CACNA1B: variants seen among roughly 807,000 people sequenced by gnomAD.
CACNA1B encodes calcium voltage-gated channel subunit alpha1 B.
CACNA1B carries 70 observed loss-of-function variants against 247.2 expected under a neutral mutation model. The ratio of observed to expected loss-of-function variants is 0.28; its 90% CI spans 0.23 to 0.35. The LOEUF is 0.35. Among genes scored for constraint, CACNA1B ranks in the 10% least tolerant of loss-of-function variants. The pLI is 1.00. For missense variants in CACNA1B, 2,367 were observed against 3,197.4 expected, an observed-to-expected ratio of 0.74 and a Z score of 6.26; for synonymous variants, 1,231 against 1,294.4, an observed-to-expected ratio of 0.95 and a Z score of 1.05.
chr9:138,104,110 A>AG (rs1961345134), intron 38 of CACNA1B, among the ~76,000 whole-genome samples: 1 of 152,224 alleles, frequency 6.6e-6, no homozygotes, highest in Admixed American at 6.5e-5. Context: ...GGAGAGACCA[A>AG]GGGAGGCCTC....
At chr9:138,022,537 CG>C (rs1564242479) in intron 18 of CACNA1B, among the ~76,000 whole-genome samples, 1 of 152,106 alleles carries the variant, frequency 6.6e-6, no homozygotes, top group East Asian at 1.9e-4. Context: ...CCGCGTGTCC[CG>C]CCCTTCCTGT....
rs5901129 is a variant in CACNA1B at position 138,123,560 on chromosome 9, ATGTGTGTGTGTGTGTG to A, written c.*1575_*1590del. ...ATTCTCCTCAAAGAAATTGTGTGTG[ATGTGTGTGTGTGTGTG>A]TGTGTGTGTGTGTCTGTGTCACAGG... is the stretch of plus-strand genomic sequence containing the variant. On this transcript the variant is annotated 3_prime_UTR_variant, in exon 47 of 47. Transcript: ENST00000371372. The A allele has an allele frequency of 6.7e-6, 1 of 149,472 alleles. No individual in the cohort carries two copies. Among genetic ancestry groups the A allele is most frequent in the Admixed American group, 6.7e-5 (1 of 14,920 alleles). 9.3% of individuals were successfully genotyped at this position (149,472 alleles called of 1,614,324 possible).
intron 3 of CACNA1B, among the ~76,000 whole-genome samples, chr9:137,889,342 T>G (rs1957062904): frequency 6.7e-6 from 1 of 150,086 alleles, no homozygotes; most frequent in Non-Finnish European, 1.5e-5. Flanking sequence ...TTCTCTCCCT[T>G]TCCCTACCAG....
At chr9:138,040,679 C>T (rs1483872485) in intron 20 of CACNA1B, 2 of 234,268 alleles carry the variant, frequency 8.5e-6, no homozygotes, top group South Asian at 4.5e-5. Flanking sequence ...GGAGGTGAGG[C>T]CCGTTGTCTC....
chr9:138,093,403 C>CAAAAAAAAAAAAAAAAAA, intron 36 of CACNA1B, among the ~76,000 whole-genome samples: 1 of 43,254 alleles, frequency 2.3e-5, no homozygotes, highest in Non-Finnish European at 5.1e-5. Context: ...GACTCTGTCT[C>CAAAAAAAAAAAAAAAAAA]AAAAAAAAAA....
rs770959422 is a variant in CACNA1B, at chr9:138,052,251, T to TGTGTGC, written c.3807+68_3807+69insCGTGTG. ...GTGTGTGTGCGTGTGTGTGTGTGCGTGTGTGTGTGTGTATGCATGCAGTGC... is the reference window on the plus strand; with the variant it reads ...GTGTGTGTGCGTGTGTGTGTGTGCGTGTGTGCGTGTGTGTGTGTATGCATGCAGTGC... On this transcript the variant is annotated intron_variant, in intron 25 of 46. Coordinates refer to ENST00000371372, the MANE Select transcript of CACNA1B (RefSeq NM_000718.4). The surrounding 1 kb of genome is among the most constrained non-coding windows in gnomAD (Gnocchi z 5.1). 270 of 670,460 alleles carry TGTGTGC rather than the reference T, an allele frequency of 4.0e-4. 1 individual carries two copies. The African/African-American group carries it at 4.3e-3, about 11-fold the overall frequency. 41.5% of individuals were successfully genotyped at this position (670,460 alleles called of 1,614,324 possible).
At chr9:138,120,124 T>C (rs1962029599) in intron 44 of CACNA1B, 41 bp from the exon 45 acceptor site, 1 of 1,520,790 alleles carries the variant, frequency 6.6e-7, no homozygotes, top group Admixed American at 1.9e-5. Flanking sequence ...CCGCTGACCC[T>C]GGTGCCTCCC....
chr9:137,981,946 C>T (rs560469298), intron 12 of CACNA1B, among the ~76,000 whole-genome samples: 14 of 152,284 alleles, frequency 9.2e-5, no homozygotes, highest in East Asian at 3.9e-4. Flanking sequence ...GTGTTAAGTG[C>T]GCTTTAGCCC....
At chr9:138,085,430 G>A (rs1241345020) in intron 36 of CACNA1B, among the ~76,000 whole-genome samples, 1 of 151,082 alleles carries the variant, frequency 6.6e-6, no homozygotes, top group African/African-American at 2.4e-5. Flanking sequence ...GTGTCTAGAA[G>A]GAAAAGAGAA....
At chr9:137,933,009 T>C (rs1957625475) in intron 6 of CACNA1B, among the ~76,000 whole-genome samples, 1 of 152,178 alleles carries the variant, frequency 6.6e-6, no homozygotes, top group Admixed American at 6.5e-5. Flanking sequence ...CTCAGCTCAC[T>C]GCAACCTCCA....
Position 137,887,929 on chromosome 9 carries a change from C to T in CACNA1B, c.530+5046C>T, listed in dbSNP as rs1427308040. Among the ~76,000 whole-genome samples the T allele has an allele frequency of 1.4e-4, 20 of 144,616 alleles. No individual in the cohort carries two copies. In the South Asian group the frequency reaches 1.4e-3, roughly 10 times the overall value. The allele number at this position is 144,616 out of a possible 152,430, so 94.9% of individuals were successfully genotyped here. ...CAGGCAGTGAGTGTTGCAGGGCAGT[C>T]GGGGTGTAGTGTGTCCTTCCACTGG... On this transcript the variant is annotated intron_variant, in intron 3 of 46. Transcript: ENST00000371372.
intron 3 of CACNA1B, among the ~76,000 whole-genome samples, chr9:137,912,870 G>A (rs150537315): frequency 4.8e-4 from 73 of 152,302 alleles, no homozygotes; most frequent in Admixed American, 1.4e-3. Flanking sequence ...TGCCATGCCA[G>A]GGGCCAAGTG....
chr9:138,118,862 C>A, intron 44 of CACNA1B, 94 bp downstream of exon 44: 1 of 662,958 alleles, frequency 1.5e-6, no homozygotes, highest in Admixed American at 2.7e-5. Flanking sequence ...GTGAGGAGAG[C>A]TGGGGTAGAG....
At chr9:137,901,046 G>A (rs111207808) in intron 3 of CACNA1B, among the ~76,000 whole-genome samples, 1 of 145,282 alleles carries the variant, frequency 6.9e-6, no homozygotes, top group African/African-American at 2.6e-5. Context: ...TCTGTGCTGT[G>A]TGTCCGTGTG....
intron 15 of CACNA1B, among the ~76,000 whole-genome samples, chr9:138,003,652 C>G (rs1328084824): frequency 6.6e-6 from 1 of 151,614 alleles, no homozygotes; most frequent in Non-Finnish European, 1.5e-5. Context: ...AATACATAAG[C>G]AAGTCTCAAA....
rs1461068787 is a variant in CACNA1B at position 137,914,184 on chromosome 9, C to T, written c.623-470C>T. 2.0e-5 allele frequency among the ~76,000 whole-genome samples: 3 copies of T among 152,076 alleles called. No homozygotes were observed. The highest frequency in any genetic ancestry group is 2.9e-5 in the Non-Finnish European group (2 of 67,960). ...AGCTCCCAGCATTCTCTGCTCCTTC[C>T]TCCCAGGATCCCCTGCCCTTAGCTC... is the stretch of plus-strand genomic sequence containing the variant. On this transcript the variant is annotated intron_variant, in intron 4 of 46. Transcript: ENST00000371372. This position sits in a 1 kb window ranked among gnomAD's most constrained non-coding sequence, Gnocchi z 4.3.
At chr9:137,886,337 C>A (rs536494762) in intron 3 of CACNA1B, among the ~76,000 whole-genome samples, 5 of 152,070 alleles carry the variant, frequency 3.3e-5, no homozygotes, top group African/African-American at 4.8e-5. Context: ...CCTCAGGCCA[C>A]GGGGAGGAGG....
At chr9:138,093,670 G>T (rs1045086099) in intron 36 of CACNA1B, among the ~76,000 whole-genome samples, 1 of 151,942 alleles carries the variant, frequency 6.6e-6, no homozygotes, top group Non-Finnish European at 1.5e-5. Context: ...AACCTGGGAG[G>T]TGGAGGCTGC....
chr9:137,908,732 G>T (rs866130479), intron 3 of CACNA1B, among the ~76,000 whole-genome samples: 2 of 151,502 alleles, frequency 1.3e-5, no homozygotes, highest in Non-Finnish European at 1.5e-5. Context: ...CTGGGTTCAC[G>T]CCATTCTCCT....
Sources: gnomAD v4.1 joint callset for allele counts (sites outside exome capture counted in the v4.1 genomes callset) on GRCh38, gnomAD v4.1.1 for gene constraint, Gnocchi (gnomAD v3.1) non-coding constraint, MANE v1.5 for transcripts, NCBI Gene and HGNC (gene_info 2026-07-23, HGNC 2026-07-21) for gene names.